LRP1B: variants seen among roughly 807,000 people sequenced by gnomAD.
LRP1B encodes the protein low-density lipoprotein receptor-related protein 1B.
A neutral mutation model predicts 556.6 loss-of-function variants in LRP1B; 217 were observed. The ratio of observed to expected loss-of-function variants is 0.39; its 90% confidence interval spans 0.35 to 0.44. The LOEUF (loss-of-function observed/expected upper bound fraction) is 0.44. Ranked by LOEUF, LRP1B falls within the 20% of genes least tolerant of loss-of-function variation. The probability of loss-of-function intolerance (pLI) is 1.00; values close to 1 mark genes in which losing one functional copy is unlikely to be tolerated. For missense variants in LRP1B, 5,053 were observed against 5,620.8 expected (o/e 0.90, Z 3.23); for synonymous variants, 2,047 against 1,865.8 (o/e 1.10, Z -2.50).
intron 43 of LRP1B, among the ~76,000 whole-genome samples, chr2:140,568,664 G>T (rs1681213508): frequency 6.6e-6 from 1 of 152,146 alleles, no homozygotes; most frequent in Non-Finnish European, 1.5e-5. Flanking sequence ...ACTCAAAAAA[G>T]TTCCTTTCTG....
chr2:141,838,433 T>G (rs1217035437), intron 1 of LRP1B, among the ~76,000 whole-genome samples: 1 of 152,192 alleles, frequency 6.6e-6, no homozygotes, highest in Non-Finnish European at 1.5e-5. Flanking sequence ...AGTGACTGTT[T>G]GAGTCCTCCC....
chr2:140,499,481 A>C (rs1689090390), intron 55 of LRP1B, among the ~76,000 whole-genome samples: 1 of 151,760 alleles, frequency 6.6e-6, no homozygotes. Context: ...TCAGTTAATG[A>C]CAGGGATATG....
chr2:140,235,118 T>C (rs1680639783), intron 89 of LRP1B, among the ~76,000 whole-genome samples: 1 of 151,106 alleles, frequency 6.6e-6, no homozygotes, highest in Non-Finnish European at 1.5e-5. Context: ...GACATTTCTC[T>C]CACAAAAGTC....
intron 2 of LRP1B, among the ~76,000 whole-genome samples, chr2:141,790,074 A>G (rs1695561781): frequency 6.6e-6 from 1 of 151,896 alleles, no homozygotes; most frequent in Non-Finnish European, 1.5e-5. Flanking sequence ...CTGCTTGTTC[A>G]GATTCATTTT....
chr2:140,883,698 C>T, intron 25 of LRP1B, 119 bp downstream of exon 25: 1 of 672,634 alleles, frequency 1.5e-6, no homozygotes, highest in South Asian at 1.9e-5. Flanking sequence ...CACACACACA[C>T]ATACATGGGC....
chr2:140,794,142 G>C (rs1228886856), intron 32 of LRP1B, among the ~76,000 whole-genome samples: 2 of 152,004 alleles, frequency 1.3e-5, no homozygotes, highest in Non-Finnish European at 2.9e-5. Flanking sequence ...GGAATTTAAA[G>C]ATAAATAGTC....
intron 43 of LRP1B, among the ~76,000 whole-genome samples, chr2:140,549,008 TC>T: frequency 6.6e-6 from 1 of 152,240 alleles, no homozygotes; most frequent in East Asian, 1.9e-4. Flanking sequence ...CTTTCTGATT[TC>T]CCAAAACCCT....
At chr2:141,619,569 G>A (rs1036572264) in intron 2 of LRP1B, among the ~76,000 whole-genome samples, 1 of 152,046 alleles carries the variant, frequency 6.6e-6, no homozygotes, top group African/African-American at 2.4e-5. Context: ...ATATGTACTA[G>A]GAAATTTTCT....
At chr2:141,666,683 T>C (rs1284358962) in intron 2 of LRP1B, among the ~76,000 whole-genome samples, 1 of 152,204 alleles carries the variant, frequency 6.6e-6, no homozygotes, top group African/African-American at 2.4e-5. Context: ...TTGCTGGAGA[T>C]GTTTTTCTGA....
intron 25 of LRP1B, among the ~76,000 whole-genome samples, chr2:140,874,167 C>T (rs1048993365): frequency 2.0e-5 from 3 of 152,012 alleles, no homozygotes; most frequent in Admixed American, 6.6e-5. Context: ...TAAAGAGAAA[C>T]TATAATGGTC....
At chr2:140,412,693 T>A (rs1407964496) in intron 66 of LRP1B, among the ~76,000 whole-genome samples, 1 of 152,038 alleles carries the variant, frequency 6.6e-6, no homozygotes, top group Non-Finnish European at 1.5e-5. Flanking sequence ...TTTTTACATC[T>A]AATAAAACTG....
chr2:141,971,145 C>A (rs1275591038), intron 1 of LRP1B, among the ~76,000 whole-genome samples: 3 of 151,460 alleles, frequency 2.0e-5, no homozygotes, highest in Non-Finnish European at 3.0e-5. Context: ...ATGCAAGAAT[C>A]AAAGAAAATG....
intron 33 of LRP1B, among the ~76,000 whole-genome samples, chr2:140,775,134 C>T (rs1008354898): frequency 2.6e-5 from 4 of 151,956 alleles, no homozygotes; most frequent in Non-Finnish European, 5.9e-5. Flanking sequence ...TCCAAACCAG[C>T]GTGACCCAAT....
chr2:141,258,391 C>T (rs1236036537), intron 3 of LRP1B, among the ~76,000 whole-genome samples: 1 of 152,084 alleles, frequency 6.6e-6, no homozygotes, highest in Non-Finnish European at 1.5e-5. Flanking sequence ...GAGGTTGAGG[C>T]AGGAGAATCG....
intron 32 of LRP1B, among the ~76,000 whole-genome samples, chr2:140,785,234 C>T (rs1253093076): frequency 2.0e-5 from 3 of 152,124 alleles, no homozygotes; most frequent in Admixed American, 1.3e-4. Flanking sequence ...ACAGCATTGT[C>T]TTGATAAATC....
intron 18 of LRP1B, among the ~76,000 whole-genome samples, chr2:140,964,132 C>T (rs1055889841): frequency 6.6e-6 from 1 of 152,054 alleles, no homozygotes; most frequent in African/African-American, 2.4e-5. Context: ...GCCTGGCAGC[C>T]GAGGCAGAGA....
intron 17 of LRP1B, among the ~76,000 whole-genome samples, chr2:140,987,841 A>T (rs1696970705): frequency 6.6e-6 from 1 of 151,976 alleles, no homozygotes. Context: ...AGAAAAAGCC[A>T]GGCATGGTGG....
At chr2:140,737,477 T>C (rs536323899) in intron 35 of LRP1B, among the ~76,000 whole-genome samples, 1 of 152,302 alleles carries the variant, frequency 6.6e-6, no homozygotes, top group South Asian at 2.1e-4. Flanking sequence ...GTGGGCTCAC[T>C]GGATTCACAG....
At chr2:140,783,968 C>A (rs1689793549) in intron 32 of LRP1B, among the ~76,000 whole-genome samples, 1 of 152,126 alleles carries the variant, frequency 6.6e-6, no homozygotes, top group Non-Finnish European at 1.5e-5. Context: ...ACTGTATGAT[C>A]CAGTAGTTCA....
Sources: allele counts gnomAD v4.1 joint callset (sites outside exome capture counted in the v4.1 genomes callset), GRCh38; gene constraint gnomAD v4.1.1; transcripts MANE v1.5; gene names NCBI Gene and HGNC (gene_info 2026-07-23, HGNC 2026-07-21).